Variants in EEPD1 observed in about 807,000 individuals in gnomAD.
The protein encoded by EEPD1 is endonuclease/exonuclease/phosphatase family domain-containing protein 1.
Under a neutral mutation model 46.3 loss-of-function variants are expected in EEPD1, and 17 were observed. The observed-to-expected ratio is 0.37, with a 90% confidence interval of 0.25 to 0.55. The LOEUF (loss-of-function observed/expected upper bound fraction) is 0.55. EEPD1 is among the 20% of genes least tolerant of loss of function. EEPD1 has a pLI of 0.83. For missense variants in EEPD1, 673 were observed against 745.6 expected (o/e 0.90, Z 1.13); for synonymous variants, 313 against 315.6 (o/e 0.99, Z 0.09).
chr7:36,266,432 C>G (rs1419789711), intron 3 of EEPD1, among the ~76,000 whole-genome samples: 1 of 152,088 alleles, frequency 6.6e-6, no homozygotes, highest in Non-Finnish European at 1.5e-5. Context: ...CTCCCCTGAC[C>G]AAGAGCTCCA....
At chr7:36,275,629 A>G (rs1285247155) in intron 3 of EEPD1, among the ~76,000 whole-genome samples, 1 of 151,732 alleles carries the variant, frequency 6.6e-6, no homozygotes, top group Non-Finnish European at 1.5e-5. Context: ...TGTATTTTGT[A>G]TTTTGTATTT....
intron 2 of EEPD1, among the ~76,000 whole-genome samples, chr7:36,214,676 G>T (rs1309816238): frequency 6.6e-6 from 1 of 152,320 alleles, no homozygotes; most frequent in Admixed American, 6.5e-5. Flanking sequence ...ATTCCCGGGT[G>T]ATGTTCACTA....
intron 2 of EEPD1, among the ~76,000 whole-genome samples, chr7:36,212,443 G>A (rs1785950855): frequency 6.7e-6 from 1 of 148,822 alleles, no homozygotes; most frequent in African/African-American, 2.5e-5. Context: ...TCAGAAAAAT[G>A]TGAAAAAATT....
intron 3 of EEPD1, among the ~76,000 whole-genome samples, chr7:36,246,104 T>C (rs757480745): frequency 3.3e-5 from 5 of 152,226 alleles, no homozygotes; most frequent in Non-Finnish European, 7.3e-5. Flanking sequence ...TGGACCGTGG[T>C]AGGACCAGAG....
At chr7:36,195,371 C>G (rs1391457787) in intron 2 of EEPD1, among the ~76,000 whole-genome samples, 2 of 152,228 alleles carry the variant, frequency 1.3e-5, no homozygotes, top group Non-Finnish European at 2.9e-5. Flanking sequence ...CAATGCCTCA[C>G]TGCCTGCCTC....
chr7:36,168,779 G>A (rs11984108), intron 2 of EEPD1, among the ~76,000 whole-genome samples: 47,079 of 148,342 alleles, frequency 0.32, 7,830 homozygotes, highest in African/African-American at 0.39. Context: ...AAGGTTGGGG[G>A]AGGGGGGACA....
At chr7:36,160,676 T>TGGGGGGGGGGGGGGGGGGG (rs150571892) in intron 2 of EEPD1, among the ~76,000 whole-genome samples, 1 of 36,534 alleles carries the variant, frequency 2.7e-5, no homozygotes, top group Non-Finnish European at 6.5e-5. Flanking sequence ...TGGGAGGTGG[T>TGGGGGGGGGGGGGGGGGGG]GGGGGGCGGG....
At chr7:36,288,839 A>G (rs1787381136) in intron 6 of EEPD1, among the ~76,000 whole-genome samples, 1 of 152,160 alleles carries the variant, frequency 6.6e-6, no homozygotes, top group Non-Finnish European at 1.5e-5. Context: ...GGTTTTCTGC[A>G]CTTGGTTTAC....
At position 36,270,036 on chromosome 7, in the gene EEPD1, A is replaced by G. The variant is rs117520910; in HGVS notation, c.931-11079A>G. On this transcript the variant is annotated intron_variant, in intron 3 of 7. Coordinates refer to ENST00000242108, the MANE Select transcript of EEPD1 (RefSeq NM_030636.3). ...ACAACAGCAGGTTAGATGGCCCAGGAAGGACTTGATTTTAGAAGAGCTTAT... is the reference window on the plus strand; with the variant it reads ...ACAACAGCAGGTTAGATGGCCCAGGGAGGACTTGATTTTAGAAGAGCTTAT... 4.9e-4 allele frequency among the ~76,000 whole-genome samples: 74 copies of G among 152,310 alleles called. No individual in the cohort carries two copies. The East Asian group carries it at 0.013, about 26-fold the overall frequency.
chr7:36,256,390 CTTG>C (rs1786828756), intron 3 of EEPD1, among the ~76,000 whole-genome samples: 1 of 152,138 alleles, frequency 6.6e-6, no homozygotes, highest in African/African-American at 2.4e-5. Context: ...AATTTTCTGT[CTTG>C]TTGATCTGTC....
intron 2 of EEPD1, among the ~76,000 whole-genome samples, chr7:36,160,818 C>A (rs1306952293): frequency 6.6e-6 from 1 of 152,108 alleles, no homozygotes; most frequent in African/African-American, 2.4e-5. Context: ...ACTGGCAAGA[C>A]TTGCCTATAT....
rs112968199 is a variant in EEPD1 at position 36,185,283 on chromosome 7, A to G, written c.878+30081A>G. 7.4e-3 allele frequency among the ~76,000 whole-genome samples: 1,128 copies of G among 152,292 alleles called. 13 individuals carry two copies. The highest frequency in any genetic ancestry group is 0.025 in the African/African-American group (1,056 of 41,558). ...CTGCAGCTTGCTTTCTGTTTCATTC[A>G]ACCTCTGGTTCCTGAGGCCCCTGCC... is the stretch of plus-strand genomic sequence containing the variant. On this transcript the variant is annotated intron_variant, in intron 2 of 7. Transcript: ENST00000242108.
At chr7:36,216,691 T>C (rs1786034552) in intron 2 of EEPD1, among the ~76,000 whole-genome samples, 1 of 152,248 alleles carries the variant, frequency 6.6e-6, no homozygotes. Flanking sequence ...AATTATAGCA[T>C]GTATCTATAT....
chr7:36,239,056 T>G lies in EEPD1; in HGVS notation c.930+20T>G. ...GAAAAGGTAAATATTTTACTCTTCC[T>G]TCCACATTCACAAACCAAGAACGGA... is the stretch of plus-strand genomic sequence containing the variant. On this transcript the variant is annotated intron_variant, in intron 3 of 7. Coordinates refer to ENST00000242108, the MANE Select transcript of EEPD1 (RefSeq NM_030636.3). The G allele has an allele frequency of 6.2e-7, 1 of 1,610,934 alleles. No homozygotes were observed. The highest frequency in any genetic ancestry group is 1.1e-5 in the South Asian group (1 of 90,224).
chr7:36,196,441 A>G (rs575292926), intron 2 of EEPD1, among the ~76,000 whole-genome samples: 55 of 150,676 alleles, frequency 3.7e-4, no homozygotes, highest in African/African-American at 1.3e-3. Context: ...TCTCCTTTCC[A>G]TGGTCTCCCT....
intron 2 of EEPD1, among the ~76,000 whole-genome samples, chr7:36,195,904 A>G (rs1256880286): frequency 6.6e-6 from 1 of 152,180 alleles, no homozygotes; most frequent in East Asian, 1.9e-4. Flanking sequence ...CGTCCTGAAA[A>G]ATGTGTCCTT....
chr7:36,237,320 A>G (rs1158428190), intron 2 of EEPD1, among the ~76,000 whole-genome samples: 1 of 152,136 alleles, frequency 6.6e-6, no homozygotes, highest in African/African-American at 2.4e-5. Flanking sequence ...GAACCCACCA[A>G]TTCTGGACAC....
rs959177503 is a variant in EEPD1, at chr7:36,167,871, C to T, written c.878+12669C>T. Among the ~76,000 whole-genome samples the T allele has an allele frequency of 2.6e-5, 4 of 152,216 alleles. No individual in the cohort carries two copies. In the East Asian group the frequency reaches 7.7e-4, roughly 29 times the overall value. The stretch of plus-strand genomic sequence containing the variant: ...GCTGGGATACAGGCACGCGCCACCA[C>T]GCCTGGCTGATTTTTGTATTTTTAG... On this transcript the variant is annotated intron_variant, in intron 2 of 7. Coordinates refer to ENST00000242108, the MANE Select transcript of EEPD1 (RefSeq NM_030636.3).
chr7:36,179,890 C>G (rs1360957614), intron 2 of EEPD1, among the ~76,000 whole-genome samples: 2 of 152,138 alleles, frequency 1.3e-5, no homozygotes, highest in African/African-American at 4.8e-5. Flanking sequence ...TTGTGAAGCA[C>G]AGTTACCTGA....
Sources: allele counts gnomAD v4.1 joint callset (sites outside exome capture counted in the v4.1 genomes callset), GRCh38; gene constraint gnomAD v4.1.1; transcripts MANE v1.5; gene names NCBI Gene and HGNC (gene_info 2026-07-23, HGNC 2026-07-21).